The following PDGFB variants were observed in gnomAD, a reference collection of about 807,000 sequenced individuals.
PDGFB encodes platelet-derived growth factor subunit B.
Under a neutral mutation model 29.0 loss-of-function variants are expected in PDGFB, and 6 were observed. The observed-to-expected ratio is 0.21, with a 90% CI of 0.11 to 0.41. PDGFB has a LOEUF of 0.41. Among genes scored for constraint, PDGFB ranks in the 10% least tolerant of loss-of-function variants. The pLI is 1.00. For missense variants in PDGFB, 299 were observed against 341.8 expected, an observed-to-expected ratio of 0.87 and a Z score of 0.99; for synonymous variants, 144 against 140.8, an observed-to-expected ratio of 1.02 and a Z score of -0.16.
Position 39,231,945 on chromosome 22 carries a change from G to T in PDGFB, c.251-118C>A. 1.2e-6 allele frequency: 1 copy of T among 825,794 alleles called. No homozygotes were observed. The highest frequency in any genetic ancestry group is 1.9e-6 in the Non-Finnish European group (1 of 533,224). 51.2% of individuals were successfully genotyped at this position (825,794 alleles called of 1,614,324 possible). A position where few individuals can be genotyped will look rare whatever the true frequency, so the allele number is the denominator to read the frequency against. On this transcript the variant is annotated intron_variant, in intron 3 of 6. Transcript: ENST00000331163. This position sits in a 1 kb window ranked among gnomAD's most constrained non-coding sequence, Gnocchi z 4.3. ...CTTTCTCACGCCCTTCAACCCCAGG[G>T]TTCAGGTTTCAAGTCCTGGCTGTCA...
chr22:39,233,371 C>G, intron 3 of PDGFB, 64 bp downstream of exon 3: 1 of 1,281,682 alleles, frequency 7.8e-7, no homozygotes, highest in Middle Eastern at 1.9e-4. Context: ...GCTGCCCGCC[C>G]CCGTTCTCTT....
At position 39,244,133 on chromosome 22, in the gene PDGFB, C is replaced by G. The variant is rs1932638661; in HGVS notation, c.-170G>C. The G allele has an allele frequency of 6.3e-6, 2 of 316,612 alleles. No homozygotes were observed. The highest frequency in any genetic ancestry group is 4.4e-5 in the African/African-American group (2 of 45,964). The allele number at this position is 316,612 out of a possible 1,614,324, so 19.6% of individuals were successfully genotyped here. A position where few individuals can be genotyped will look rare whatever the true frequency, so the allele number is the denominator to read the frequency against. On this transcript the variant is annotated 5_prime_UTR_variant, in exon 1 of 7. Transcript: ENST00000331163. The surrounding 1 kb of genome is among the most constrained non-coding windows in gnomAD (Gnocchi z 4.5). Reference sequence around the variant, plus strand: ...CACCCGCATGGCCCCCGGGCGCCGCCGCCCCCGGCCCCGGCTCCGTCGCTG... The same window carrying G: ...CACCCGCATGGCCCCCGGGCGCCGCGGCCCCCGGCCCCGGCTCCGTCGCTG...
At position 39,231,778 on chromosome 22, in the gene PDGFB, G is replaced by A. The variant is rs550969567; in HGVS notation, c.300C>T (p.Arg100=). ...GCCGGGAGATCTCGAACACCTCGGT[G>A]CGCGTCTTGCACTCGGCGATCATGG... ...EPAMIAECKT[R]TEVFEISRRL... Residue 100 remains arginine (R), a synonymous_variant, in exon 4 of 7, where the codon CGC becomes CGT. Coordinates refer to ENST00000331163, the MANE Select transcript of PDGFB (RefSeq NM_002608.4). This position sits in a 1 kb window ranked among gnomAD's most constrained non-coding sequence, Gnocchi z 4.3. 1.2e-6 allele frequency: 2 copies of A among 1,613,732 alleles called. No individual in the cohort carries two copies. Among genetic ancestry groups the A allele is most frequent in the Middle Eastern group, 1.7e-4 (1 of 6,060 alleles).
Position 39,241,128 on chromosome 22 carries a change from T to C in PDGFB, c.63+2773A>G. 1.4e-5 allele frequency: 8 copies of C among 578,950 alleles called. 1 individual carries two copies. In the South Asian group the frequency reaches 1.4e-4, roughly 10 times the overall value. The allele number at this position is 578,950 out of a possible 1,614,324, so 35.9% of individuals were successfully genotyped here. A position where few individuals can be genotyped will look rare whatever the true frequency, so the allele number is the denominator to read the frequency against. ...GCCCTTCACTCTTTCCCGGAAGAAG[T>C]GTGCTGAGGCCAGACGCGTCACGTG... On this transcript the variant is annotated intron_variant, in intron 1 of 6. Coordinates refer to ENST00000331163, the MANE Select transcript of PDGFB (RefSeq NM_002608.4).
intron 2 of PDGFB, 96 bp downstream of exon 2, chr22:39,235,682 A>G (rs1601600077): frequency 1.2e-6 from 1 of 850,274 alleles, no homozygotes; most frequent in African/African-American, 1.7e-5. Flanking sequence ...CTAGTTCTCC[A>G]GACGTCAAGA....
At position 39,224,492 on chromosome 22, in the gene PDGFB, C is replaced by T. The variant is rs1347465823; in HGVS notation, c.*850G>A. Reference sequence around the variant, plus strand: ...GCCTTAATAAGGGGTTCAAGAGCCCCTTGGTGGAGCAGACTGAAGGGCCAG... The same window carrying T: ...GCCTTAATAAGGGGTTCAAGAGCCCTTTGGTGGAGCAGACTGAAGGGCCAG... On this transcript the variant is annotated 3_prime_UTR_variant, in exon 7 of 7. Transcript: ENST00000331163. 6.5e-6 allele frequency: 1 copy of T among 152,698 alleles called. No homozygotes were observed. Among genetic ancestry groups the T allele is most frequent in the African/African-American group, 2.4e-5 (1 of 41,406 alleles). The allele number at this position is 152,698 out of a possible 1,614,324, so 9.5% of individuals were successfully genotyped here.
At chr22:39,229,659 C>T (rs1250351791) in intron 5 of PDGFB, among the ~76,000 whole-genome samples, 9 of 152,232 alleles carry the variant, frequency 5.9e-5, no homozygotes, top group Non-Finnish European at 7.3e-5. Flanking sequence ...CTGGAAATGG[C>T]GCTGCTCTGG....
At chr22:39,241,576 T>C (rs1247852305) in intron 1 of PDGFB, among the ~76,000 whole-genome samples, 1 of 152,184 alleles carries the variant, frequency 6.6e-6, no homozygotes, top group African/African-American at 2.4e-5. Context: ...CACGAGCCCG[T>C]GGAGCTGTGG....
intron 1 of PDGFB, among the ~76,000 whole-genome samples, chr22:39,238,972 T>C (rs576102293): frequency 1.5e-4 from 23 of 152,340 alleles, no homozygotes; most frequent in African/African-American, 5.3e-4. Flanking sequence ...AGAAACCCTG[T>C]AGCGGAGGAA....
chr22:39,237,806 T>C (rs1932481292), intron 1 of PDGFB, among the ~76,000 whole-genome samples: 1 of 152,214 alleles, frequency 6.6e-6, no homozygotes, highest in Non-Finnish European at 1.5e-5. Flanking sequence ...CCTATGGTCC[T>C]GGCTCTCATC....
At chr22:39,240,917 A>ATG (rs1235807606) in intron 1 of PDGFB, 15 of 1,398,106 alleles carry the variant, frequency 1.1e-5, no homozygotes, top group East Asian at 2.4e-5. Context: ...TCTCTCTCAG[A>ATG]TGCGCACACA....
chr22:39,235,529 G>C (rs1192632867), intron 2 of PDGFB, among the ~76,000 whole-genome samples: 2 of 152,180 alleles, frequency 1.3e-5, no homozygotes, highest in African/African-American at 4.8e-5. Flanking sequence ...CCCTCCTCCT[G>C]GCACCCCACC....
intron 3 of PDGFB, 67 bp downstream of exon 3, chr22:39,233,368 G>GC (rs1932358006): frequency 4.1e-6 from 5 of 1,231,876 alleles, no homozygotes; most frequent in Non-Finnish European, 5.8e-6. Context: ...CTGGCTGCCC[G>GC]CCCCCGTTCT....
In PDGFB at chr22:39,230,195, T is replaced by C. The variant is rs200484202; in HGVS notation, c.490A>G (p.Ile164Val). The change falls in exon 5 of 7, where the codon ATC becomes GTC. Residue 164 changes from isoleucine (I) to valine (V), a missense_variant. Physicochemically the swap from Ile to Val is conservative, Grantham distance 29. Coordinates refer to ENST00000331163, the MANE Select transcript of PDGFB (RefSeq NM_002608.4). ...RKIEIVRKKP[I>V]FKKATVTLED... ...AGCGTCACCGTGGCCTTCTTAAAGA[T>C]TGGCTTCTTCCGCACAATCTCGATC... is the stretch of plus-strand genomic sequence containing the variant. The C allele has an allele frequency of 1.2e-5, 20 of 1,613,998 alleles. No homozygotes were observed. In the East Asian group the frequency reaches 3.6e-4, roughly 29 times the overall value.
chr22:39,235,426 C>T (rs939688225), intron 2 of PDGFB, among the ~76,000 whole-genome samples: 9 of 152,292 alleles, frequency 5.9e-5, no homozygotes, highest in East Asian at 1.9e-4. Context: ...GCCAGAGGGG[C>T]GGGGAGATGA....
rs772958620 is a variant in PDGFB at position 39,230,124 on chromosome 22, C to G, written c.561G>C (p.Arg187=). 6.2e-7 allele frequency: 1 copy of G among 1,613,910 alleles called. No individual in the cohort carries two copies. Among genetic ancestry groups the G allele is most frequent in the Non-Finnish European group, 8.5e-7 (1 of 1,180,034 alleles). The change falls in exon 5 of 7, where the codon CGG becomes CGC. Residue 187 remains arginine, a synonymous_variant. Coordinates refer to ENST00000331163, the MANE Select transcript of PDGFB (RefSeq NM_002608.4). ...ACKCETVAAA[R]PVTRSPGGSQ... ...AACCCCCCGGGCTTCGGGTCACAGGCCGTGCAGCTGCCACTGTCTCACACT... is the reference window on the plus strand; with the variant it reads ...AACCCCCCGGGCTTCGGGTCACAGGGCGTGCAGCTGCCACTGTCTCACACT...
intron 1 of PDGFB, among the ~76,000 whole-genome samples, chr22:39,237,978 C>T (rs533780837): frequency 6.6e-6 from 1 of 152,206 alleles, no homozygotes; most frequent in African/African-American, 2.4e-5. Flanking sequence ...ATTCAATTAA[C>T]CCCCCAGGGG....
At chr22:39,240,391 T>C (rs749907024) in intron 1 of PDGFB, among the ~76,000 whole-genome samples, 7 of 152,132 alleles carry the variant, frequency 4.6e-5, no homozygotes, top group Non-Finnish European at 1.0e-4. Context: ...CAGCTAAAGA[T>C]ACACAGAACC....
intron 1 of PDGFB, among the ~76,000 whole-genome samples, chr22:39,238,098 T>C (rs1390684297): frequency 6.6e-6 from 1 of 152,150 alleles, no homozygotes; most frequent in African/African-American, 2.4e-5. Context: ...GGCAGACCCC[T>C]GAACAGGCCG....
Sources: gnomAD v4.1 joint callset for allele counts (sites outside exome capture counted in the v4.1 genomes callset) on GRCh38, gnomAD v4.1.1 for gene constraint, Gnocchi (gnomAD v3.1) non-coding constraint, MANE v1.5 for transcripts, NCBI Gene and HGNC (gene_info 2026-07-23, HGNC 2026-07-21) for gene names.